The following ZFR2 variants were observed in gnomAD, a reference collection of about 807,000 sequenced individuals.
The protein encoded by ZFR2 is zinc finger RNA binding protein 2.
ZFR2 carries 104 observed loss-of-function variants against 105.7 expected under a neutral mutation model. That is an observed-to-expected ratio of 0.98 (90% CI 0.84 to 1.16). ZFR2 has a LOEUF of 1.16. Among genes scored for constraint, ZFR2 ranks in the 50% most tolerant of loss-of-function variants. The probability of loss-of-function intolerance (pLI) is 0.00; values close to 1 mark genes in which losing one functional copy is unlikely to be tolerated. For missense variants in ZFR2, 1,425 were observed against 1,355.5 expected, an observed-to-expected ratio of 1.05 and a Z score of -0.80; for synonymous variants, 634 against 597.7, an observed-to-expected ratio of 1.06 and a Z score of -0.89.
chr19:3,852,388 C>A, intron 1 of ZFR2: 1 of 681,208 alleles, frequency 1.5e-6, no homozygotes, highest in Middle Eastern at 3.6e-4. Context: ...GGGCAGCTAC[C>A]TGTTGGATGG....
Position 3,816,753 on chromosome 19 carries a change from C to A in ZFR2, c.2024G>T (p.Arg675Leu). 1 of 1,612,306 alleles carries A rather than the reference C, an allele frequency of 6.2e-7. No individual in the cohort carries two copies. The highest frequency in any genetic ancestry group is 1.1e-5 in the South Asian group (1 of 90,900). The change falls in exon 13 of 19, where the codon CGC becomes CTC. Residue 675 changes from arginine (R) to leucine (L), a missense_variant. Physicochemically the swap from Arg to Leu is moderately radical, Grantham distance 102 (BLOSUM62 -2). Transcript: ENST00000262961. ...GLLLRGDRNV[R>L]LALLCSEKPT... ...CTTCTCGGAGCAGAGCAGAGCGAGG[C>A]GCACGTTCCTGTCCCCACGCAGGAG...
At chr19:3,832,580 A>G (rs2038029781) in intron 3 of ZFR2, among the ~76,000 whole-genome samples, 1 of 151,674 alleles carries the variant, frequency 6.6e-6, no homozygotes. Flanking sequence ...TCTGCCTCGC[A>G]AAGTGCTGGG....
chr19:3,831,302 C>A lies in ZFR2; in HGVS notation c.852+1G>T. ...CTGCCCATGGCAGGAGGGCGACTGA[C>A]CTGGGGGCCAGCGCAGCTGATCTTG... On this transcript the variant is annotated splice_donor_variant, in intron 5 of 18. Transcript: ENST00000262961. LOFTEE classifies it high-confidence loss of function. 1 of 1,528,786 alleles carries A rather than the reference C, an allele frequency of 6.5e-7. No individual in the cohort carries two copies. 94.7% of individuals were successfully genotyped at this position (1,528,786 alleles called of 1,614,324 possible).
At chr19:3,855,887 G>A (rs1266482405) in intron 1 of ZFR2, among the ~76,000 whole-genome samples, 1 of 152,168 alleles carries the variant, frequency 6.6e-6, no homozygotes, top group Non-Finnish European at 1.5e-5. Context: ...GGAACAGGGG[G>A]CAGAGGACAC....
In ZFR2 at chr19:3,818,339, C is replaced by T. The variant is rs147981224; in HGVS notation, c.1931+706G>A. Among the ~76,000 whole-genome samples the T allele has an allele frequency of 1.1e-3, 162 of 151,948 alleles. 1 individual carries two copies. In the East Asian group the frequency reaches 0.019, roughly 17 times the overall value. On this transcript the variant is annotated intron_variant, in intron 12 of 18. Transcript: ENST00000262961. ...ACAATTAGCTGGGTGTGGTGGTGGG[C>T]GCCTGCAGTCCCAGCTACTCGGGAG...
chr19:3,841,409 G>T (rs1253535686), intron 1 of ZFR2, among the ~76,000 whole-genome samples: 2 of 152,202 alleles, frequency 1.3e-5, no homozygotes, highest in African/African-American at 2.4e-5. Context: ...TAATATGCAG[G>T]TGCGGTGGCT....
intron 17 of ZFR2, among the ~76,000 whole-genome samples, chr19:3,808,652 G>A (rs778950736): frequency 6.6e-6 from 1 of 152,232 alleles, no homozygotes; most frequent in South Asian, 2.1e-4. Context: ...CCTCCCTTCC[G>A]GGACCTGCGT....
At position 3,866,226 on chromosome 19, in the gene ZFR2, T is replaced by A. The variant is rs567825626; in HGVS notation, c.53+2739A>T. Among the ~76,000 whole-genome samples the A allele has an allele frequency of 2.6e-5, 4 of 152,344 alleles. No homozygotes were observed. In the South Asian group the frequency reaches 8.3e-4, roughly 32 times the overall value. On this transcript the variant is annotated intron_variant, in intron 1 of 18. Coordinates refer to ENST00000262961, the MANE Select transcript of ZFR2 (RefSeq NM_015174.2). ...AGAATGTCTAGTTAACCTAAAGTCA[T>A]TCAAATAATGCCTATCATCTTGTTT...
At chr19:3,810,660 A>C (rs959688911) in intron 16 of ZFR2, 90 bp downstream of exon 16, 2 of 1,274,044 alleles carry the variant, frequency 1.6e-6, no homozygotes, top group Admixed American at 2.7e-5. Context: ...CCTTCGAGGG[A>C]AAAGGTCTGT....
chr19:3,860,948 G>A (rs1013032345), intron 1 of ZFR2, among the ~76,000 whole-genome samples: 3 of 152,058 alleles, frequency 2.0e-5, no homozygotes, highest in Non-Finnish European at 2.9e-5. Context: ...AACCGGCCTC[G>A]AACCACCAAC....
chr19:3,812,425 G>T (rs1260397243), intron 14 of ZFR2, among the ~76,000 whole-genome samples: 1 of 152,112 alleles, frequency 6.6e-6, no homozygotes, highest in Non-Finnish European at 1.5e-5. Flanking sequence ...CGCTGGGCCT[G>T]GGGAGAGGAA....
Position 3,820,753 on chromosome 19 carries a change from A to AG in ZFR2, c.1632-464dup, listed in dbSNP as rs375700526. Among the ~76,000 whole-genome samples, 389 of 149,900 alleles carry AG rather than the reference A, an allele frequency of 2.6e-3. 6 individuals are homozygous for AG. The highest frequency in any genetic ancestry group is 9.0e-3 in the African/African-American group (365 of 40,672). On this transcript the variant is annotated intron_variant, in intron 10 of 18. Transcript: ENST00000262961. ...AGGGTCATCAGGGGTCAGGAGACAC[A>AG]GGAACACCAGGGGACAGAGGGACAC...
intron 18 of ZFR2, 145 bp downstream of exon 18, chr19:3,807,027 G>A: frequency 1.6e-6 from 1 of 640,926 alleles, no homozygotes. Context: ...GCGTGGTCCT[G>A]CCACCCACGG....
intron 14 of ZFR2, among the ~76,000 whole-genome samples, chr19:3,812,845 G>T (rs1273030007): frequency 6.6e-6 from 1 of 152,178 alleles, no homozygotes. Context: ...TTGGGAGGCC[G>T]AGGTGGGTGG....
intron 1 of ZFR2, among the ~76,000 whole-genome samples, chr19:3,853,498 CA>C (rs901520179): frequency 0.011 from 1,576 of 145,676 alleles, 26 homozygotes; most frequent in African/African-American, 0.037. Context: ...ATTTTGCCAC[CA>C]AAAAAAAAAA....
chr19:3,866,221 A>C (rs994644681), intron 1 of ZFR2, among the ~76,000 whole-genome samples: 1 of 152,240 alleles, frequency 6.6e-6, no homozygotes, highest in Non-Finnish European at 1.5e-5. Flanking sequence ...GTTAACCTAA[A>C]GTCATTCAAA....
intron 14 of ZFR2, among the ~76,000 whole-genome samples, chr19:3,812,767 C>CA (rs1215187704): frequency 1.3e-5 from 2 of 151,864 alleles, no homozygotes; most frequent in Admixed American, 1.3e-4. Context: ...AAAAACAAAA[C>CA]AAAACACTTA....
intron 6 of ZFR2, among the ~76,000 whole-genome samples, chr19:3,826,041 G>A (rs1022863452): frequency 1.6e-4 from 24 of 151,592 alleles, no homozygotes; most frequent in Non-Finnish European, 2.4e-4. Flanking sequence ...ACCCCACAAC[G>A]GGCAGCAGGG....
Position 3,831,844 on chromosome 19 carries a change from A to G in ZFR2, c.414T>C (p.His138=), listed in dbSNP as rs1367835553. ...GGGGCTGAGCGTGGCTGTGACTGCC[A>G]TGGGGGCTGGGCTGCCCGCAGGCTT... is the stretch of plus-strand genomic sequence containing the variant. ...TQEACGQPSP[H]GSHSHAQPPQ... is the part of the protein sequence containing the mutation. Residue 138 remains histidine, a synonymous_variant, in exon 4 of 19, where the codon CAT becomes CAC. Coordinates refer to ENST00000262961, the MANE Select transcript of ZFR2 (RefSeq NM_015174.2). 3 of 1,602,682 alleles carry G rather than the reference A, an allele frequency of 1.9e-6. No homozygotes were observed. Among genetic ancestry groups the G allele is most frequent in the South Asian group, 2.2e-5 (2 of 90,336 alleles).
Sources: allele counts gnomAD v4.1 joint callset (sites outside exome capture counted in the v4.1 genomes callset), GRCh38; gene constraint gnomAD v4.1.1; transcripts MANE v1.5; gene names NCBI Gene and HGNC (gene_info 2026-07-23, HGNC 2026-07-21).